RANBP2: variants seen among roughly 807,000 people sequenced by gnomAD.
RANBP2 encodes E3 SUMO-protein ligase RanBP2.
Under a neutral mutation model 303.6 loss-of-function variants are expected in RANBP2, and 57 were observed. That is an observed-to-expected ratio of 0.19 (90% CI 0.15 to 0.23). RANBP2 has a LOEUF of 0.23. Among genes scored for constraint, RANBP2 ranks in the 10% least tolerant of loss-of-function variants. The pLI is 1.00. For missense variants in RANBP2, 3,138 were observed against 3,780.8 expected, an observed-to-expected ratio of 0.83 and a Z score of 4.46; for synonymous variants, 1,167 against 1,301.5, an observed-to-expected ratio of 0.90 and a Z score of 2.23.
chr2:109,564,591 C>A, the RANBP2 span: 1 of 1,386,628 alleles, frequency 7.2e-7, no homozygotes, highest in Non-Finnish European at 9.6e-7. Flanking sequence ...TGGCACACAA[C>A]TAAGTGTTTG....
At chr2:109,230,705 A>G in the RANBP2 span, among the ~76,000 whole-genome samples, 2 of 152,246 alleles carry the variant, frequency 1.3e-5, no homozygotes, top group African/African-American at 2.4e-5. Flanking sequence ...ATCATCAGCT[A>G]TGTCACCAGC....
chr2:108,844,153 C>T, the RANBP2 span, among the ~76,000 whole-genome samples: 1 of 151,784 alleles, frequency 6.6e-6, no homozygotes, highest in Admixed American at 6.6e-5. Flanking sequence ...GAGCCACCGC[C>T]CCCAGTTTCT....
the RANBP2 span, among the ~76,000 whole-genome samples, chr2:109,294,526 A>G: frequency 2.0e-5 from 3 of 149,502 alleles, no homozygotes; most frequent in Non-Finnish European, 4.4e-5. Context: ...ACACCACTAC[A>G]CTCCAGCTTG....
chr2:109,293,916 CTT>C, the RANBP2 span, among the ~76,000 whole-genome samples: 2 of 152,220 alleles, frequency 1.3e-5, no homozygotes, highest in Non-Finnish European at 2.9e-5. Context: ...AGCCCTGACT[CTT>C]TACCAATGGC....
chr2:109,016,381 CG>C, the RANBP2 span, among the ~76,000 whole-genome samples: 1 of 152,182 alleles, frequency 6.6e-6, no homozygotes, highest in African/African-American at 2.4e-5. Context: ...GCCACCGCGC[CG>C]GGTGGATAGG....
the RANBP2 span, among the ~76,000 whole-genome samples, chr2:108,970,047 C>T: frequency 2.0e-4 from 31 of 152,188 alleles, no homozygotes; most frequent in African/African-American, 3.1e-4. Context: ...ATCTGGATGA[C>T]GTGATGAGTC....
At chr2:109,171,677 C>A in the RANBP2 span, among the ~76,000 whole-genome samples, 1 of 152,230 alleles carries the variant, frequency 6.6e-6, no homozygotes, top group Non-Finnish European at 1.5e-5. Context: ...TTAGTCTGGG[C>A]CTTTGGGAGT....
At chr2:109,040,642 CTT>C in the RANBP2 span, among the ~76,000 whole-genome samples, 2 of 152,150 alleles carry the variant, frequency 1.3e-5, no homozygotes, top group East Asian at 3.8e-4. Context: ...TCACTAGTGA[CTT>C]AACTTTCTGT....
the RANBP2 span, among the ~76,000 whole-genome samples, chr2:109,035,747 T>C: frequency 6.6e-6 from 1 of 152,206 alleles, no homozygotes; most frequent in Non-Finnish European, 1.5e-5. Context: ...CTCTCTGGCC[T>C]AGTAGGGTGA....
chr2:109,077,344 A>C, the RANBP2 span, among the ~76,000 whole-genome samples: 1 of 150,698 alleles, frequency 6.6e-6, no homozygotes, highest in Non-Finnish European at 1.5e-5. Flanking sequence ...TTTTTTGATA[A>C]AGATTTTTAT....
the RANBP2 span, among the ~76,000 whole-genome samples, chr2:109,349,911 T>C: frequency 1.3e-5 from 2 of 152,256 alleles, no homozygotes; most frequent in Non-Finnish European, 2.9e-5. Flanking sequence ...CCTGCCCATT[T>C]ATTCCACAGA....
At chr2:109,431,726 G>A in the RANBP2 span, among the ~76,000 whole-genome samples, 1 of 152,160 alleles carries the variant, frequency 6.6e-6, no homozygotes, top group East Asian at 1.9e-4. Context: ...AAAAAACTTA[G>A]CCAGCATGGC....
chr2:109,703,325 C>A, the RANBP2 span, among the ~76,000 whole-genome samples: 4 of 152,200 alleles, frequency 2.6e-5, no homozygotes, highest in African/African-American at 9.6e-5. Flanking sequence ...CAACTCTAAT[C>A]GAATAGCACT....
At chr2:108,847,153 A>G in the RANBP2 span, among the ~76,000 whole-genome samples, 7 of 152,208 alleles carry the variant, frequency 4.6e-5, no homozygotes, top group Non-Finnish European at 1.0e-4. Context: ...TGATTGTCTT[A>G]GGTCATATTC....
the RANBP2 span, among the ~76,000 whole-genome samples, chr2:109,208,568 C>A: frequency 6.6e-6 from 1 of 152,254 alleles, no homozygotes; most frequent in South Asian, 2.1e-4. Flanking sequence ...CCACCTGCAG[C>A]AGAGCTGTTC....
the RANBP2 span, among the ~76,000 whole-genome samples, chr2:109,064,619 C>T: frequency 1.1e-4 from 16 of 152,046 alleles, no homozygotes; most frequent in Admixed American, 5.2e-4. Context: ...TACGGAAATT[C>T]GTTAAAAAGT....
At chr2:109,292,300 G>T in the RANBP2 span, among the ~76,000 whole-genome samples, 1,170 of 152,270 alleles carry the variant, frequency 7.7e-3, 4 homozygotes, top group Non-Finnish European at 0.013. Context: ...AATCCAGAGA[G>T]TCCCCTTGTT....
the RANBP2 span, among the ~76,000 whole-genome samples, chr2:109,436,047 C>T: frequency 6.6e-6 from 1 of 152,118 alleles, no homozygotes; most frequent in Non-Finnish European, 1.5e-5. Context: ...ATACCAGCCA[C>T]AGGGAGATGG....
chr2:109,131,537 C>T, the RANBP2 span, among the ~76,000 whole-genome samples: 1 of 152,294 alleles, frequency 6.6e-6, no homozygotes, highest in South Asian at 2.1e-4. Context: ...AACGCTGGGA[C>T]ATTCTGATGA....
Sources: gnomAD v4.1 joint callset for allele counts (sites outside exome capture counted in the v4.1 genomes callset) on GRCh38, gnomAD v4.1.1 for gene constraint, MANE v1.5 for transcripts, NCBI Gene and HGNC (gene_info 2026-07-23, HGNC 2026-07-21) for gene names.